The following DLG5 variants were observed in gnomAD, a reference collection of about 807,000 sequenced individuals.
DLG5 encodes disks large homolog 5.
A neutral mutation model predicts 189.8 loss-of-function variants in DLG5; 48 were observed. That is an observed-to-expected ratio of 0.25 (90% CI 0.20 to 0.32). The LOEUF (loss-of-function observed/expected upper bound fraction) is 0.32, where lower values mean the gene tolerates loss of function less well. Ranked by LOEUF, DLG5 falls within the 10% of genes least tolerant of loss-of-function variation. The pLI, the probability that DLG5 is intolerant of heterozygous loss-of-function variation, is 1.00. For synonymous variants in DLG5, 1,016 were observed against 1,054.1 expected (o/e 0.96, Z 0.70); for missense variants, 2,160 against 2,544.7 (o/e 0.85, Z 3.25).
chr10:77,864,643 T>A (rs1456924180), intron 2 of DLG5, among the ~76,000 whole-genome samples: 1 of 152,230 alleles, frequency 6.6e-6, no homozygotes, highest in Non-Finnish European at 1.5e-5. Context: ...GTAAAAGCCC[T>A]CCGGGTGATT....
In DLG5 at chr10:77,812,715, T is replaced by G. The variant is rs568206111; in HGVS notation, c.4026-338A>C. On this transcript the variant is annotated intron_variant, in intron 20 of 31. Transcript: ENST00000372391. ...CCCCACAATATGCAATTACAAACTCTGGGGGGTCTTGAGATGCCCTCCGAG... is the reference window on the plus strand; with the variant it reads ...CCCCACAATATGCAATTACAAACTCGGGGGGGTCTTGAGATGCCCTCCGAG... Among the ~76,000 whole-genome samples, 8 of 152,284 alleles carry G rather than the reference T, an allele frequency of 5.3e-5. No individual in the cohort carries two copies. The East Asian group carries it at 1.4e-3, about 26-fold the overall frequency.
chr10:77,821,645 A>G lies in DLG5; in HGVS notation c.2839T>C (p.Trp947Arg), dbSNP rs1228593141. 1.2e-6 allele frequency: 2 copies of G among 1,610,708 alleles called. No individual in the cohort carries two copies. Among genetic ancestry groups the G allele is most frequent in the Non-Finnish European group, 1.7e-6 (2 of 1,179,108 alleles). Reference protein sequence around the residue: ...DSEGSNSGGTWPKAMLSSTAV... With the variant: ...DSEGSNSGGTRPKAMLSSTAV... ...GTGGAGCTGAGCATGGCCTTGGGCCAGGTCCCGCCGCTGTTGGAGCCTTCA... is the reference window on the plus strand; with the variant it reads ...GTGGAGCTGAGCATGGCCTTGGGCCGGGTCCCGCCGCTGTTGGAGCCTTCA... Residue 947 changes from tryptophan (W) to arginine (R), a missense_variant, in exon 15 of 32, where the codon TGG becomes CGG. Physicochemically the swap from Trp to Arg is moderately radical, Grantham distance 101. Coordinates refer to ENST00000372391, the MANE Select transcript of DLG5 (RefSeq NM_004747.4).
intron 1 of DLG5, among the ~76,000 whole-genome samples, chr10:77,894,178 G>T (rs975448132): frequency 3.3e-5 from 5 of 152,146 alleles, no homozygotes; most frequent in African/African-American, 1.2e-4. Context: ...CTACAAGGGG[G>T]GTCAGGATTG....
In DLG5 at chr10:77,844,551, G is replaced by A. The variant is rs574947091; in HGVS notation, c.865-845C>T. ...ACCCTCCATGGTGTAGGGTCCCCCC[G>A]CATCCCATGCAAGTACCTAATATGT... On this transcript the variant is annotated intron_variant, in intron 5 of 31. Coordinates refer to ENST00000372391, the MANE Select transcript of DLG5 (RefSeq NM_004747.4). 4.6e-5 allele frequency among the ~76,000 whole-genome samples: 7 copies of A among 152,254 alleles called. No individual in the cohort carries two copies. In the East Asian group the frequency reaches 7.7e-4, roughly 17 times the overall value.
intron 2 of DLG5, among the ~76,000 whole-genome samples, chr10:77,861,952 C>T (rs1844489315): frequency 1.3e-5 from 2 of 152,176 alleles, no homozygotes; most frequent in Non-Finnish European, 2.9e-5. Flanking sequence ...ATGCCTCCGG[C>T]CTTTTGTAAT....
At chr10:77,818,521 C>T (rs1017954218) in intron 17 of DLG5, among the ~76,000 whole-genome samples, 5 of 152,202 alleles carry the variant, frequency 3.3e-5, no homozygotes, top group African/African-American at 4.8e-5. Flanking sequence ...CTTCTTGACT[C>T]GCTGCCCCTT....
At chr10:77,804,807 C>T (rs956662597) in intron 27 of DLG5, among the ~76,000 whole-genome samples, 1 of 152,132 alleles carries the variant, frequency 6.6e-6, no homozygotes, top group Non-Finnish European at 1.5e-5. Flanking sequence ...AAACCGACAG[C>T]TCTTGGTCAC....
At chr10:77,937,874 ATTTTTTTTTTT>A in the DLG5 span, among the ~76,000 whole-genome samples, 1 of 104,130 alleles carries the variant, frequency 9.6e-6, no homozygotes, top group Non-Finnish European at 1.9e-5. Context: ...CACTCAGCTA[ATTTTTTTTTTT>A]TTTTTTTTTT....
intron 7 of DLG5, among the ~76,000 whole-genome samples, chr10:77,838,224 C>A (rs1314932628): frequency 6.6e-6 from 1 of 152,208 alleles, no homozygotes; most frequent in Non-Finnish European, 1.5e-5. Context: ...TGGGGGGCTG[C>A]CCTTCTACAG....
intron 1 of DLG5, among the ~76,000 whole-genome samples, chr10:77,886,715 AC>A (rs1220162302): frequency 6.6e-6 from 1 of 152,088 alleles, no homozygotes; most frequent in Non-Finnish European, 1.5e-5. Flanking sequence ...TAAAGCCCTA[AC>A]CCCTTCTGCA....
chr10:77,907,862 C>T (rs1846109728), intron 1 of DLG5, among the ~76,000 whole-genome samples: 1 of 152,160 alleles, frequency 6.6e-6, no homozygotes. Context: ...TTACCTGTTT[C>T]CTCACTTGTA....
intron 8 of DLG5, among the ~76,000 whole-genome samples, chr10:77,835,359 G>C (rs1589184254): frequency 1.3e-5 from 2 of 152,118 alleles, no homozygotes; most frequent in African/African-American, 4.8e-5. Flanking sequence ...AGGTCTCCTT[G>C]CTCCAGAGAT....
chr10:77,872,804 CA>C (rs368851754), intron 1 of DLG5, among the ~76,000 whole-genome samples: 5 of 152,154 alleles, frequency 3.3e-5, no homozygotes, highest in African/African-American at 1.2e-4. Flanking sequence ...GTTTCGCCAT[CA>C]AATTTGGAGT....
chr10:77,927,173 G>T, upstream of DLG5: 1 of 153,836 alleles, frequency 6.5e-6, no homozygotes, highest in East Asian at 1.9e-4. Context: ...GAGGGGACGG[G>T]CGGAGGGGAG....
Position 77,891,255 on chromosome 10 carries a change from G to A in DLG5, c.305-22058C>T, listed in dbSNP as rs536187146. Among the ~76,000 whole-genome samples, 6 of 152,256 alleles carry A rather than the reference G, an allele frequency of 3.9e-5. No individual in the cohort carries two copies. In the South Asian group the frequency reaches 1.2e-3, roughly 32 times the overall value. On this transcript the variant is annotated intron_variant, in intron 1 of 31. Transcript: ENST00000372391. ...GTGTGACCTTGTGCAGTCTCACAAG[G>A]CTCACAATTGGCTTCGCACTCTGCT...
chr10:77,796,735 C>T lies in DLG5; in HGVS notation c.5165-141G>A. 2.8e-6 allele frequency: 3 copies of T among 1,058,744 alleles called. No individual in the cohort carries two copies. Among genetic ancestry groups the T allele is most frequent in the Non-Finnish European group, 1.4e-6 (1 of 731,462 alleles). 65.6% of individuals were successfully genotyped at this position (1,058,744 alleles called of 1,614,324 possible). A position where few individuals can be genotyped will look rare whatever the true frequency, so the allele number is the denominator to read the frequency against. ...GCTTCAGCACTGAAAATCTCGTGTC[C>T]CAGGCACAACCGGGCATCGTCACCC... On this transcript the variant is annotated intron_variant, in intron 27 of 31. Transcript: ENST00000372391. The surrounding 1 kb of genome is among the most constrained non-coding windows in gnomAD (Gnocchi z 5.2).
intron 1 of DLG5, among the ~76,000 whole-genome samples, chr10:77,920,664 C>G (rs1349785986): frequency 6.6e-6 from 1 of 152,184 alleles, no homozygotes; most frequent in East Asian, 1.9e-4. Flanking sequence ...ACACATAACA[C>G]TGGCCAGACC....
At position 77,835,887 on chromosome 10, in the gene DLG5, G is replaced by C; in HGVS notation, c.1473C>G (p.Ala491=). The change falls in exon 8 of 32, where the codon GCC becomes GCG. Residue 491 remains alanine (A), a synonymous_variant. Coordinates refer to ENST00000372391, the MANE Select transcript of DLG5 (RefSeq NM_004747.4). ...TTCGAAGGATTTCAACCTCCTTGTT[G>C]GCTCTCCCAGCATCCATTGTCACCG... ...KDTVTMDAGR[A]NKEVEILRKQ... The C allele has an allele frequency of 6.2e-7, 1 of 1,613,744 alleles. No individual in the cohort carries two copies. The highest frequency in any genetic ancestry group is 8.5e-7 in the Non-Finnish European group (1 of 1,179,732).
intron 1 of DLG5, among the ~76,000 whole-genome samples, chr10:77,917,517 C>A: frequency 1.6e-5 from 2 of 123,524 alleles, no homozygotes; most frequent in African/African-American, 3.8e-5. Context: ...AGTGAGACTC[C>A]ATCTCCAAAA....
Sources: allele counts gnomAD v4.1 joint callset (sites outside exome capture counted in the v4.1 genomes callset), GRCh38; gene constraint gnomAD v4.1.1; non-coding constraint Gnocchi (gnomAD v3.1); transcripts MANE v1.5; gene names NCBI Gene and HGNC (gene_info 2026-07-23, HGNC 2026-07-21).